SYTL2: variants seen among roughly 807,000 people sequenced by gnomAD.
SYTL2 encodes the protein synaptotagmin like 2.
In SYTL2, 165 loss-of-function variants were observed where a neutral mutation model predicts 198.7. The ratio of observed to expected loss-of-function variants is 0.83; its 90% CI spans 0.73 to 0.94. SYTL2 has a LOEUF of 0.94. SYTL2 is among the 40% of genes least tolerant of loss of function. SYTL2 has a pLI of 0.00. For synonymous variants in SYTL2, 966 were observed against 917.7 expected, an observed-to-expected ratio of 1.05 and a Z score of -0.95; for missense variants, 2,835 against 2,582.8, an observed-to-expected ratio of 1.10 and a Z score of -2.12.
At chr11:85,700,473 A>G (rs753529889) in intron 17 of SYTL2, 42 bp downstream of exon 17, 3 of 1,485,180 alleles carry the variant, frequency 2.0e-6, no homozygotes, top group Non-Finnish European at 1.9e-6. Flanking sequence ...GAAGGGAGGG[A>G]TAAGGAAAGG....
Position 85,720,923 on chromosome 11 carries a change from A to G in SYTL2, c.5363T>C (p.Leu1788Ser), listed in dbSNP as rs1295369895. ...EEEPSPVLKT[L>S]ERSAARKMPS... Reference sequence around the variant, plus strand: ...CATTTTCCTAGCGGCACTCCTTTCCAAAGTTTTCAAAACAGGACTGGGTTC... The same window carrying G: ...CATTTTCCTAGCGGCACTCCTTTCCGAAGTTTTCAAAACAGGACTGGGTTC... The change falls in exon 9 of 20, where the codon TTG becomes TCG. Residue 1788 changes from leucine to serine, a missense_variant. Around this residue, in one of 3 missense-constraint regions of SYTL2, gnomAD observed 2,645 missense variants for 2,381.7 expected, o/e 1.11. Coordinates refer to ENST00000359152, the MANE Select transcript of SYTL2 (RefSeq NM_206927.4). 3 of 1,613,814 alleles carry G rather than the reference A, an allele frequency of 1.9e-6. No homozygotes were observed. Among genetic ancestry groups the G allele is most frequent in the Non-Finnish European group, 2.5e-6 (3 of 1,179,728 alleles).
intron 8 of SYTL2, among the ~76,000 whole-genome samples, chr11:85,721,599 C>A (rs1270848394): frequency 6.6e-6 from 1 of 152,102 alleles, no homozygotes; most frequent in Non-Finnish European, 1.5e-5. Context: ...CATGAATAAG[C>A]TTAAGTACTG....
chr11:85,848,410 T>G, the SYTL2 span, among the ~76,000 whole-genome samples: 1 of 152,132 alleles, frequency 6.6e-6, no homozygotes, highest in African/African-American at 2.4e-5. Context: ...AGATTTTTTG[T>G]CTTATTCTAG....
chr11:85,744,138 C>T lies in SYTL2; in HGVS notation c.389+1499G>A, dbSNP rs147450212. 2.6e-5 allele frequency among the ~76,000 whole-genome samples: 4 copies of T among 152,246 alleles called. No individual in the cohort carries two copies. In the East Asian group the frequency reaches 7.7e-4, roughly 29 times the overall value. On this transcript the variant is annotated intron_variant, in intron 4 of 19. Coordinates refer to ENST00000359152, the MANE Select transcript of SYTL2 (RefSeq NM_206927.4). ...GGGGGACAGAATAGTGTGTCCTTCA[C>T]ACTCCTTCCTGGTGTTCCTGAAATA...
chr11:85,817,825 A>G, the SYTL2 span, among the ~76,000 whole-genome samples: 48 of 152,080 alleles, frequency 3.2e-4, no homozygotes, highest in Admixed American at 2.3e-3. Context: ...CAATAATTAC[A>G]AAATGTTATC....
At chr11:85,712,272 C>A (rs536475249) in intron 12 of SYTL2, among the ~76,000 whole-genome samples, 6 of 152,302 alleles carry the variant, frequency 3.9e-5, no homozygotes, top group South Asian at 2.1e-4. Context: ...AAATTCATAT[C>A]TTTTAAATGT....
intron 1 of SYTL2, among the ~76,000 whole-genome samples, chr11:85,808,915 A>G (rs1346198366): frequency 6.6e-6 from 1 of 151,110 alleles, no homozygotes; most frequent in East Asian, 1.9e-4. Context: ...ATTTTTCTTC[A>G]TCTACTGTAT....
chr11:85,752,427 C>G (rs569532881), intron 2 of SYTL2, among the ~76,000 whole-genome samples: 2 of 152,226 alleles, frequency 1.3e-5, no homozygotes, highest in South Asian at 4.1e-4. Context: ...AGTCTGACTC[C>G]CAGCCAACAC....
At chr11:85,771,830 C>T (rs1282435081) in intron 1 of SYTL2, among the ~76,000 whole-genome samples, 1 of 152,054 alleles carries the variant, frequency 6.6e-6, no homozygotes, top group African/African-American at 2.4e-5. Context: ...GCTGAATCAC[C>T]ACAGGGAGCT....
At position 85,725,183 on chromosome 11, in the gene SYTL2, C is replaced by G; in HGVS notation, c.4175G>C (p.Gly1392Ala). 3 of 1,614,090 alleles carry G rather than the reference C, an allele frequency of 1.9e-6. No homozygotes were observed. Among genetic ancestry groups the G allele is most frequent in the East Asian group, 2.2e-5 (1 of 44,878 alleles). The change falls in exon 8 of 20, where the codon GGT (glycine) becomes GCT (alanine). Residue 1392 changes from glycine to alanine, a missense_variant. Transcript: ENST00000359152. The stretch of plus-strand genomic sequence containing the variant: ...AAATTCTGGGTTCACTTCTCCAGGA[C>G]CTACTTCCCTTCCAGCTGGATAACT... ...WLSYPAGREV[G>A]PGEVNPEFPE...
In SYTL2 at chr11:85,757,913, T is replaced by C; in HGVS notation, c.-188A>G. 1 of 683,576 alleles carries C rather than the reference T, an allele frequency of 1.5e-6. No individual in the cohort carries two copies. Among genetic ancestry groups the C allele is most frequent in the Non-Finnish European group, 2.4e-6 (1 of 416,324 alleles). 42.3% of individuals were successfully genotyped at this position (683,576 alleles called of 1,614,324 possible). A position where few individuals can be genotyped will look rare whatever the true frequency, so the allele number is the denominator to read the frequency against. ...CTGATAGCAAGATCCTAAGTGCTCT[T>C]TCCCATGAGGAAGTCCTGGTCTGTG... On this transcript the variant is annotated 5_prime_UTR_variant, in exon 2 of 20. Coordinates refer to ENST00000359152, the MANE Select transcript of SYTL2 (RefSeq NM_206927.4).
At chr11:85,721,587 A>C (rs2088312399) in intron 8 of SYTL2, among the ~76,000 whole-genome samples, 1 of 152,224 alleles carries the variant, frequency 6.6e-6, no homozygotes, top group Non-Finnish European at 1.5e-5. Context: ...GAATGGCTGC[A>C]TCATGAATAA....
At chr11:85,761,670 A>C (rs1236367964) in intron 1 of SYTL2, among the ~76,000 whole-genome samples, 9 of 152,168 alleles carry the variant, frequency 5.9e-5, no homozygotes, top group Non-Finnish European at 1.3e-4. Context: ...GGTAGGTCTT[A>C]TGTATTGAGA....
chr11:85,837,278 TAA>T, the SYTL2 span, among the ~76,000 whole-genome samples: 1 of 152,184 alleles, frequency 6.6e-6, no homozygotes, highest in Non-Finnish European at 1.5e-5. Context: ...ATGAAGGGTA[TAA>T]GAGTGTGGCC....
chr11:85,727,323 C>T lies in SYTL2; in HGVS notation c.2035G>A (p.Ala679Thr). ...YSYSVLKESDAENQVPCNTNN... is the reference protein window; with the variant it reads ...YSYSVLKESDTENQVPCNTNN... ...GTGTTGCATGGAACTTGGTTTTCTG[C>T]ATCAGATTCCTTGAGAACACTGTAG... Residue 679 changes from alanine (A) to threonine (T), a missense_variant, in exon 8 of 20, where the codon GCA becomes ACA. Ala to Thr is a moderately conservative substitution (Grantham distance 58). Coordinates refer to ENST00000359152, the MANE Select transcript of SYTL2 (RefSeq NM_206927.4). The T allele has an allele frequency of 1.3e-6, 2 of 1,535,898 alleles. No individual in the cohort carries two copies. The highest frequency in any genetic ancestry group is 3.3e-4 in the Middle Eastern group (2 of 5,990).
chr11:85,802,889 G>A (rs1289404426), intron 1 of SYTL2, among the ~76,000 whole-genome samples: 1 of 152,186 alleles, frequency 6.6e-6, no homozygotes, highest in African/African-American at 2.4e-5. Context: ...ACTAGTAAGT[G>A]CATTCATGTT....
At chr11:85,825,485 G>A in the SYTL2 span, among the ~76,000 whole-genome samples, 2 of 152,028 alleles carry the variant, frequency 1.3e-5, no homozygotes, top group Non-Finnish European at 2.9e-5. Context: ...ATGGAGCAAC[G>A]GTTTGTGTTT....
chr11:85,757,934 C>T lies in SYTL2; in HGVS notation c.-209G>A, dbSNP rs1443267393. 1.7e-6 allele frequency: 1 copy of T among 600,652 alleles called. No individual in the cohort carries two copies. The highest frequency in any genetic ancestry group is 3.0e-5 in the Admixed American group (1 of 33,750). 37.2% of individuals were successfully genotyped at this position (600,652 alleles called of 1,614,324 possible). On this transcript the variant is annotated 5_prime_UTR_variant, in exon 2 of 20. Transcript: ENST00000359152. ...CTCTTTCCCATGAGGAAGTCCTGGT[C>T]TGTGGGATAGTGTCGAGAAGAGGCT...
intron 16 of SYTL2, among the ~76,000 whole-genome samples, chr11:85,704,304 G>A (rs1311294466): frequency 6.6e-6 from 1 of 151,968 alleles, no homozygotes. Context: ...ATTTCAAAAT[G>A]ATAAAATGGT....
Sources: allele counts gnomAD v4.1 joint callset (sites outside exome capture counted in the v4.1 genomes callset), GRCh38; gene constraint gnomAD v4.1.1; regional missense constraint gnomAD v4.1.1; transcripts MANE v1.5; gene names NCBI Gene and HGNC (gene_info 2026-07-23, HGNC 2026-07-21).